Variants in ZBTB16 observed in about 807,000 individuals in gnomAD.
ZBTB16 encodes zinc finger and BTB domain containing 16.
In ZBTB16, 8 loss-of-function variants were observed where a neutral mutation model predicts 56.8. The ratio of observed to expected loss-of-function variants is 0.14; its 90% CI spans 0.08 to 0.25. ZBTB16 has a LOEUF of 0.25. ZBTB16 is among the 10% of genes least tolerant of loss of function. ZBTB16 has a pLI of 1.00. For missense variants in ZBTB16, 625 were observed against 903.0 expected (o/e 0.69, Z 3.95); for synonymous variants, 363 against 368.5 (o/e 0.98, Z 0.17).
intron 2 of ZBTB16, among the ~76,000 whole-genome samples, chr11:114,100,801 C>T (rs148322610): frequency 1.3e-5 from 2 of 152,172 alleles, no homozygotes; most frequent in African/African-American, 2.4e-5. Flanking sequence ...ACCGCAGGAC[C>T]AGACAGTGAC....
chr11:114,090,516 A>G (rs1382847363), intron 2 of ZBTB16, among the ~76,000 whole-genome samples: 2 of 152,238 alleles, frequency 1.3e-5, no homozygotes, highest in East Asian at 1.9e-4. Flanking sequence ...TTCCACCCCC[A>G]TCATAAACAC....
intron 4 of ZBTB16, among the ~76,000 whole-genome samples, chr11:114,205,236 C>T (rs577228669): frequency 9.3e-4 from 142 of 152,018 alleles, no homozygotes; most frequent in Non-Finnish European, 1.7e-3. Context: ...GGTGAAACCC[C>T]GTCTCTACTA....
intron 2 of ZBTB16, among the ~76,000 whole-genome samples, chr11:114,088,140 C>CTTTTTT (rs10695166): frequency 5.4e-4 from 66 of 122,962 alleles, no homozygotes; most frequent in South Asian, 8.1e-4. Flanking sequence ...CCAGATACTT[C>CTTTTTT]TTTTTTTTTT....
chr11:114,155,917 C>A (rs17116541), intron 2 of ZBTB16, among the ~76,000 whole-genome samples: 17,511 of 152,116 alleles, frequency 0.12, 1,963 homozygotes, highest in African/African-American at 0.29. Context: ...TCCTGGGTCC[C>A]ATGGGCTCGT....
chr11:114,207,342 C>A (rs564637341), intron 4 of ZBTB16, among the ~76,000 whole-genome samples: 1 of 152,252 alleles, frequency 6.6e-6, no homozygotes, highest in Non-Finnish European at 1.5e-5. Context: ...TATTTTCAAG[C>A]TCCCCAGGAG....
intron 4 of ZBTB16, among the ~76,000 whole-genome samples, chr11:114,237,498 C>T (rs954555431): frequency 6.6e-6 from 1 of 152,192 alleles, no homozygotes; most frequent in Non-Finnish European, 1.5e-5. Flanking sequence ...AGGACGGAAC[C>T]CAGGCGTTGA....
Position 114,063,296 on chromosome 11 carries a change from G to T in ZBTB16, c.-5G>T. Reference sequence around the variant, plus strand: ...AAGCCTCATGCCTGAGCCGAGGGGAGCACCATGGATCTGACAAAAATGGGC... The same window carrying T: ...AAGCCTCATGCCTGAGCCGAGGGGATCACCATGGATCTGACAAAAATGGGC... On this transcript the variant is annotated 5_prime_UTR_variant, in exon 2 of 7. Transcript: ENST00000335953. This position sits in a 1 kb window ranked among gnomAD's most constrained non-coding sequence, Gnocchi z 6.5. The T allele has an allele frequency of 1.2e-6, 2 of 1,613,590 alleles. No homozygotes were observed. Among genetic ancestry groups the T allele is most frequent in the Non-Finnish European group, 8.5e-7 (1 of 1,179,950 alleles).
chr11:114,245,530 G>A (rs919168059), intron 5 of ZBTB16, among the ~76,000 whole-genome samples: 6 of 152,164 alleles, frequency 3.9e-5, no homozygotes, highest in African/African-American at 1.2e-4. Flanking sequence ...AATTTATGTG[G>A]GTACAGGGGC....
chr11:114,126,776 G>A (rs1205448308), intron 2 of ZBTB16, among the ~76,000 whole-genome samples: 13 of 152,128 alleles, frequency 8.5e-5, no homozygotes, highest in Non-Finnish European at 1.6e-4. Context: ...ATGACCTTGG[G>A]AGAGAAGCCA....
chr11:114,092,335 G>A (rs1016471789), intron 2 of ZBTB16, among the ~76,000 whole-genome samples: 10 of 152,182 alleles, frequency 6.6e-5, no homozygotes, highest in African/African-American at 2.4e-4. Flanking sequence ...AGGATTGTGA[G>A]CAAGTGCCTG....
rs1187503856 is a variant in ZBTB16, at chr11:114,148,465, C to CTTTCTTTCTTTCTTTCTTTCTT, written c.1269-7871_1269-7870insTTCTTTCTTTCTTTCTTTCTTT. ...TCTCTCTCTGTCTGTCTGTCTCTCT[C>CTTTCTTTCTTTCTTTCTTTCTT]TCTCTCTTTCTTTCTTTCTTTCTTT... On this transcript the variant is annotated intron_variant, in intron 2 of 6. Coordinates refer to ENST00000335953, the MANE Select transcript of ZBTB16 (RefSeq NM_006006.6). Among the ~76,000 whole-genome samples the CTTTCTTTCTTTCTTTCTTTCTT allele has an allele frequency of 3.4e-4, 18 of 53,528 alleles. 1 individual carries two copies. The highest frequency in any genetic ancestry group is 2.4e-3 in the South Asian group (3 of 1,256). The allele number at this position is 53,528 out of a possible 152,430, so 35.1% of individuals were successfully genotyped here.
intron 3 of ZBTB16, among the ~76,000 whole-genome samples, chr11:114,159,949 G>GGC (rs1565658368): frequency 6.9e-6 from 1 of 145,474 alleles, no homozygotes. Flanking sequence ...GGGGGGAGGC[G>GGC]AGCATTTTTT....
Position 114,255,038 on chromosome 11 carries a change from T to C in ZBTB16, c.*4483T>C, listed in dbSNP as rs1349412721. On this transcript the variant is annotated 3_prime_UTR_variant, in exon 7 of 7. Transcript: ENST00000335953. ...CATAGGATTTGTTCACATAGTGTTATGCATGATCTTCGTAAGGTTAAGAAG... is the reference window on the plus strand; with the variant it reads ...CATAGGATTTGTTCACATAGTGTTACGCATGATCTTCGTAAGGTTAAGAAG... Among the ~76,000 whole-genome samples the C allele has an allele frequency of 6.6e-6, 1 of 152,214 alleles. No homozygotes were observed. Among genetic ancestry groups the C allele is most frequent in the African/African-American group, 2.4e-5 (1 of 41,448 alleles).
intron 3 of ZBTB16, among the ~76,000 whole-genome samples, chr11:114,179,440 T>TA (rs1943194696): frequency 6.6e-6 from 1 of 152,246 alleles, no homozygotes; most frequent in Non-Finnish European, 1.5e-5. Flanking sequence ...TGGCCTGTTG[T>TA]AAAATGCCCT....
Position 114,063,803 on chromosome 11 carries a change from A to G in ZBTB16, c.503A>G (p.Tyr168Cys). 6.2e-7 allele frequency: 1 copy of G among 1,614,200 alleles called. No individual in the cohort carries two copies. The highest frequency in any genetic ancestry group is 1.6e-4 in the Middle Eastern group (1 of 6,062). The part of the protein sequence containing the change: ...ISKHSSEESG[Y>C]ASVAGQSLPG... ...AAGCATTCCAGCGAGGAGAGTGGGT[A>G]TGCCAGTGTGGCTGGACAGAGCCTC... The change falls in exon 2 of 7, where the codon TAT (tyrosine) becomes TGT (cysteine). Residue 168 changes from tyrosine (Y) to cysteine (C), a missense_variant. Transcript: ENST00000335953. The surrounding 1 kb of genome is among the most constrained non-coding windows in gnomAD (Gnocchi z 6.5).
At chr11:114,071,021 T>C (rs555814560) in intron 2 of ZBTB16, among the ~76,000 whole-genome samples, 33 of 152,250 alleles carry the variant, frequency 2.2e-4, no homozygotes, top group Non-Finnish European at 4.1e-4. Flanking sequence ...ATTGACATCG[T>C]TTTTTTCATC....
intron 3 of ZBTB16, among the ~76,000 whole-genome samples, chr11:114,174,174 G>A (rs1298390036): frequency 6.6e-6 from 1 of 152,220 alleles, no homozygotes; most frequent in East Asian, 1.9e-4. Context: ...TCTAGACCCT[G>A]TGCTGCTCCC....
intron 2 of ZBTB16, among the ~76,000 whole-genome samples, chr11:114,089,357 G>C (rs930115922): frequency 6.6e-6 from 1 of 152,166 alleles, no homozygotes; most frequent in Non-Finnish European, 1.5e-5. Context: ...AGTACCTCTT[G>C]CTGATTTGGT....
At chr11:114,185,217 T>C (rs1331791178) in intron 3 of ZBTB16, among the ~76,000 whole-genome samples, 1 of 151,760 alleles carries the variant, frequency 6.6e-6, no homozygotes, top group Admixed American at 6.6e-5. Flanking sequence ...TCAAAAACAA[T>C]GACAACAACA....
Sources: gnomAD v4.1 joint callset for allele counts (sites outside exome capture counted in the v4.1 genomes callset) on GRCh38, gnomAD v4.1.1 for gene constraint, Gnocchi (gnomAD v3.1) non-coding constraint, MANE v1.5 for transcripts, NCBI Gene and HGNC (gene_info 2026-07-23, HGNC 2026-07-21) for gene names.